The following ELAPOR1 variants were observed in gnomAD, a reference collection of about 807,000 sequenced individuals.
ELAPOR1 encodes the protein endosome/lysosome-associated apoptosis and autophagy regulator 1.
ELAPOR1 carries 77 observed loss-of-function variants against 119.7 expected under a neutral mutation model. The observed-to-expected ratio is 0.64, with a 90% CI of 0.54 to 0.78. ELAPOR1 has a LOEUF of 0.78. Ranked by LOEUF, ELAPOR1 falls within the 30% of genes least tolerant of loss-of-function variation. The pLI, the probability that ELAPOR1 is intolerant of heterozygous loss-of-function variation, is 0.00. For synonymous variants in ELAPOR1, 481 were observed against 487.2 expected, an observed-to-expected ratio of 0.99 and a Z score of 0.17; for missense variants, 1,115 against 1,270.4, an observed-to-expected ratio of 0.88 and a Z score of 1.86.
rs199551862 is a variant in ELAPOR1 at position 109,194,618 on chromosome 1, T to C, written c.2121+24T>C. On this transcript the variant is annotated intron_variant, in intron 15 of 21. Transcript: ENST00000369939. ...AGGTAAGGTATACCAGTTGACAGGG[T>C]GAAAATTGAATGGGGGAGGCCCATG... The C allele has an allele frequency of 7.7e-5, 123 of 1,607,398 alleles. No individual in the cohort carries two copies. In the African/African-American group the frequency reaches 1.3e-3, roughly 17 times the overall value.
chr1:109,116,974 A>G (rs1202859038), intron 1 of ELAPOR1, among the ~76,000 whole-genome samples: 5 of 152,240 alleles, frequency 3.3e-5, no homozygotes, highest in Non-Finnish European at 7.3e-5. Context: ...TGCAGGCGTG[A>G]GTCACTGTGC....
At chr1:109,157,701 G>T (rs896246068) in intron 1 of ELAPOR1, among the ~76,000 whole-genome samples, 4 of 152,086 alleles carry the variant, frequency 2.6e-5, no homozygotes, top group Non-Finnish European at 5.9e-5. Context: ...CTTCTAATTT[G>T]CCTATTTACT....
intron 1 of ELAPOR1, among the ~76,000 whole-genome samples, chr1:109,148,612 C>T (rs1019358346): frequency 6.6e-6 from 1 of 152,212 alleles, no homozygotes; most frequent in South Asian, 2.1e-4. Flanking sequence ...GAAGCCCTGT[C>T]TGTTGAACTG....
chr1:109,147,186 G>T (rs1390391091), intron 1 of ELAPOR1, among the ~76,000 whole-genome samples: 1 of 152,024 alleles, frequency 6.6e-6, no homozygotes, highest in East Asian at 1.9e-4. Context: ...AAAGTGCTGG[G>T]ATTATAGGCA....
chr1:109,172,059 T>C (rs769818311), intron 4 of ELAPOR1, 46 bp downstream of exon 4: 12 of 1,605,770 alleles, frequency 7.5e-6, no homozygotes, highest in Non-Finnish European at 1.0e-5. Flanking sequence ...AAAGCCTCTC[T>C]GGGGTTCAGA....
At chr1:109,164,781 G>T (rs892359218) in intron 3 of ELAPOR1, 90 bp downstream of exon 3, 21 of 1,292,908 alleles carry the variant, frequency 1.6e-5, no homozygotes, top group Non-Finnish European at 3.2e-6. Flanking sequence ...TGCCCCTCAG[G>T]CTGGGCAGGG....
intron 18 of ELAPOR1, 126 bp downstream of exon 18, chr1:109,198,800 G>C (rs139981751): frequency 1.7e-4 from 133 of 766,668 alleles, no homozygotes; most frequent in African/African-American, 1.3e-3. Flanking sequence ...TGGGTGCTTA[G>C]GGGCACAGTC....
At chr1:109,200,408 G>C (rs1402542459) in intron 20 of ELAPOR1, among the ~76,000 whole-genome samples, 171 bp downstream of exon 20, 1 of 152,180 alleles carries the variant, frequency 6.6e-6, no homozygotes, top group Non-Finnish European at 1.5e-5. Context: ...ATGGTACCAC[G>C]TGGCAGTCTA....
At chr1:109,192,973 G>C (rs902180507) in intron 14 of ELAPOR1, 99 bp downstream of exon 14, 4 of 1,343,714 alleles carry the variant, frequency 3.0e-6, no homozygotes, top group Admixed American at 4.3e-5. Context: ...GCTGATACCC[G>C]AGTGCTCCCC....
In ELAPOR1 at chr1:109,189,616, T is replaced by C; in HGVS notation, c.1373T>C (p.Ile458Thr). 1 of 1,614,124 alleles carries C rather than the reference T, an allele frequency of 6.2e-7. No individual in the cohort carries two copies. Among genetic ancestry groups the C allele is most frequent in the Non-Finnish European group, 8.5e-7 (1 of 1,180,000 alleles). ...MTGWEVAGDHIYTAAGASDND... is the reference protein window; with the variant it reads ...MTGWEVAGDHTYTAAGASDND... ...GGCTGGGAGGTGGCTGGTGATCACATTTACACAGCTGCTGGAGCCTCAGAC... is the reference window on the plus strand; with the variant it reads ...GGCTGGGAGGTGGCTGGTGATCACACTTACACAGCTGCTGGAGCCTCAGAC... The change falls in exon 11 of 22, where the codon ATT becomes ACT. Residue 458 changes from isoleucine to threonine, a missense_variant. Ile to Thr is a moderately conservative substitution (Grantham distance 89). Transcript: ENST00000369939.
At chr1:109,158,077 G>A (rs775409141) in intron 1 of ELAPOR1, among the ~76,000 whole-genome samples, 44 of 151,950 alleles carry the variant, frequency 2.9e-4, no homozygotes, top group Admixed American at 2.6e-4. Flanking sequence ...TAGTAGAGAC[G>A]GGGTTTCACC....
chr1:109,114,946 T>A (rs867379786), intron 1 of ELAPOR1, among the ~76,000 whole-genome samples: 2 of 152,182 alleles, frequency 1.3e-5, no homozygotes, highest in South Asian at 4.1e-4. Context: ...ATGTTTAGTG[T>A]ACCTGACAGT....
chr1:109,181,770 T>C (rs187410976), intron 7 of ELAPOR1, among the ~76,000 whole-genome samples: 25 of 152,168 alleles, frequency 1.6e-4, no homozygotes, highest in Admixed American at 5.2e-4. Context: ...ACCAAGTAAA[T>C]GAGCTGAGAA....
intron 8 of ELAPOR1, chr1:109,187,787 G>A (rs1225227771): frequency 3.0e-5 from 25 of 839,554 alleles, no homozygotes; most frequent in Admixed American, 6.0e-5. Flanking sequence ...GGACATCTGA[G>A]CCACCTCCAC....
At chr1:109,198,498 C>T (rs779426580) in intron 17 of ELAPOR1, 75 bp from the exon 18 acceptor site, 56 of 1,333,224 alleles carry the variant, frequency 4.2e-5, no homozygotes, top group Middle Eastern at 2.0e-4. Context: ...TTGCTCCATG[C>T]GGATTTCTCT....
intron 3 of ELAPOR1, among the ~76,000 whole-genome samples, chr1:109,170,506 G>A (rs1651857913): frequency 6.6e-6 from 1 of 152,168 alleles, no homozygotes; most frequent in Non-Finnish European, 1.5e-5. Context: ...GACACAGTAG[G>A]AGTTAAACTG....
Position 109,164,588 on chromosome 1 carries a change from A to G in ELAPOR1, c.364A>G (p.Ile122Val). The change falls in exon 3 of 22, where the codon ATT becomes GTT. Residue 122 changes from isoleucine (I) to valine (V), a missense_variant. Ile to Val is a conservative substitution (Grantham distance 29, BLOSUM62 3). Transcript: ENST00000369939. ...GGGCCGCTACTCCCTCGGCACAGGCATTCGGTTTGATGAGTGGGATGAGCT... is the reference window on the plus strand; with the variant it reads ...GGGCCGCTACTCCCTCGGCACAGGCGTTCGGTTTGATGAGTGGGATGAGCT... ...AEGRYSLGTG[I>V]RFDEWDELPH... The G allele has an allele frequency of 6.2e-7, 1 of 1,614,224 alleles. No homozygotes were observed. Among genetic ancestry groups the G allele is most frequent in the Non-Finnish European group, 8.5e-7 (1 of 1,180,032 alleles).
Position 109,192,878 on chromosome 1 carries a change from C to T in ELAPOR1, c.1947+4C>T. ...TCCAGGGACCAAGAACAACAAGGTACCTGTAGTCTGGCATGCATCCTAAAC... is the reference window on the plus strand; with the variant it reads ...TCCAGGGACCAAGAACAACAAGGTATCTGTAGTCTGGCATGCATCCTAAAC... On this transcript the variant is annotated splice_donor_region_variant and intron_variant, in intron 14 of 21. Transcript: ENST00000369939. 6.2e-7 allele frequency: 1 copy of T among 1,613,392 alleles called. No homozygotes were observed. The highest frequency in any genetic ancestry group is 8.5e-7 in the Non-Finnish European group (1 of 1,179,688).
chr1:109,161,800 G>C (rs1453200466), intron 1 of ELAPOR1, 94 bp from the exon 2 acceptor site: 1 of 1,449,072 alleles, frequency 6.9e-7, no homozygotes, highest in Non-Finnish European at 9.5e-7. Flanking sequence ...GAGAGGATGA[G>C]CATCAGTAGC....
Sources: allele counts gnomAD v4.1 joint callset (sites outside exome capture counted in the v4.1 genomes callset), GRCh38; gene constraint gnomAD v4.1.1; transcripts MANE v1.5; gene names NCBI Gene and HGNC (gene_info 2026-07-23, HGNC 2026-07-21).